Variants in ZNF385D observed in about 807,000 individuals in gnomAD.
ZNF385D encodes the protein zinc finger protein 659.
In ZNF385D, 15 loss-of-function variants were observed where a neutral mutation model predicts 35.8. The ratio of observed to expected loss-of-function variants is 0.42; its 90% CI spans 0.28 to 0.64. The LOEUF (loss-of-function observed/expected upper bound fraction) is 0.64. ZNF385D is among the 30% of genes least tolerant of loss of function. The pLI is 0.23. For missense variants in ZNF385D, 474 were observed against 494.6 expected (o/e 0.96, Z 0.39); for synonymous variants, 212 against 186.8 (o/e 1.13, Z -1.10).
intron 1 of ZNF385D, among the ~76,000 whole-genome samples, chr3:21,732,036 T>G (rs1490441321): frequency 0.015 from 208 of 13,424 alleles, 66 homozygotes; most frequent in Admixed American, 0.019. Flanking sequence ...CGGGGTTTTT[T>G]TTTTTTTTTT....
At chr3:21,612,338 T>G (rs551521161) in intron 2 of ZNF385D, among the ~76,000 whole-genome samples, 34 of 152,226 alleles carry the variant, frequency 2.2e-4, no homozygotes, top group Non-Finnish European at 5.0e-4. Context: ...GACCTCGTGA[T>G]CTGCCCACCT....
chr3:22,191,036 A>T (rs1695985055), intron 2 of ZNF385D, among the ~76,000 whole-genome samples: 1 of 152,166 alleles, frequency 6.6e-6, no homozygotes, highest in Non-Finnish European at 1.5e-5. Flanking sequence ...AATTGGCAGT[A>T]ATTATTGTTT....
In ZNF385D at chr3:21,824,860, G is replaced by C. The variant is rs550352844; in HGVS notation, c.326-159832C>G. Among the ~76,000 whole-genome samples, 638 of 152,234 alleles carry C rather than the reference G, an allele frequency of 4.2e-3. 4 individuals carry two copies. The highest frequency in any genetic ancestry group is 6.5e-3 in the Non-Finnish European group (441 of 67,984). ...GACTGTTTTTACACCATAGGGAAATGGTGGAGAAATATTGAATTGCTCCTT... is the reference window on the plus strand; with the variant it reads ...GACTGTTTTTACACCATAGGGAAATCGTGGAGAAATATTGAATTGCTCCTT... On this transcript the variant is annotated intron_variant, in intron 3 of 5. Coordinates refer to the ZNF385D transcript ENST00000494108.
At chr3:21,971,039 C>A (rs935945810) in intron 3 of ZNF385D, among the ~76,000 whole-genome samples, 1 of 151,950 alleles carries the variant, frequency 6.6e-6, no homozygotes, top group Non-Finnish European at 1.5e-5. Flanking sequence ...TTTATCAACA[C>A]GAGACCTGTC....
At chr3:21,807,753 G>C (rs144360226) in intron 3 of ZNF385D, among the ~76,000 whole-genome samples, 1 of 152,072 alleles carries the variant, frequency 6.6e-6, no homozygotes, top group African/African-American at 2.4e-5. Context: ...GAGCTTTTCA[G>C]AACATCAACT....
chr3:22,265,887 A>T (rs1398232302), intron 2 of ZNF385D, among the ~76,000 whole-genome samples: 3 of 151,972 alleles, frequency 2.0e-5, no homozygotes, highest in Non-Finnish European at 4.4e-5. Context: ...ATACCTTGAC[A>T]TCATATAACT....
intron 3 of ZNF385D, among the ~76,000 whole-genome samples, chr3:22,039,183 T>C (rs1698513770): frequency 6.7e-6 from 1 of 149,818 alleles, no homozygotes; most frequent in African/African-American, 2.5e-5. Context: ...ATTTGACTGA[T>C]GTGAATGATG....
intron 2 of ZNF385D, among the ~76,000 whole-genome samples, chr3:22,273,634 C>G (rs1199337818): frequency 6.6e-6 from 1 of 151,824 alleles, no homozygotes; most frequent in African/African-American, 2.4e-5. Flanking sequence ...AATCATGATT[C>G]TCATACAGAT....
At chr3:21,797,502 G>A (rs1251973759) in intron 3 of ZNF385D, among the ~76,000 whole-genome samples, 2 of 152,328 alleles carry the variant, frequency 1.3e-5, no homozygotes, top group South Asian at 2.1e-4. Context: ...ACCCAAAGGA[G>A]TTGAAAAGTT....
intron 4 of ZNF385D, among the ~76,000 whole-genome samples, chr3:21,498,465 G>A (rs1403312116): frequency 2.0e-5 from 3 of 152,094 alleles, no homozygotes; most frequent in African/African-American, 7.2e-5. Flanking sequence ...CTATCAATTC[G>A]ATGAAGTTCT....
chr3:21,931,740 T>C (rs1427318138), intron 3 of ZNF385D, among the ~76,000 whole-genome samples: 4 of 152,166 alleles, frequency 2.6e-5, no homozygotes, highest in Admixed American at 1.3e-4. Flanking sequence ...TGGGGGATGA[T>C]AGATGTTCAA....
At chr3:21,962,033 G>A (rs1417221826) in intron 3 of ZNF385D, among the ~76,000 whole-genome samples, 1 of 152,096 alleles carries the variant, frequency 6.6e-6, no homozygotes, top group Non-Finnish European at 1.5e-5. Context: ...AGCAACAGAA[G>A]ACACTAAAAA....
intron 3 of ZNF385D, among the ~76,000 whole-genome samples, chr3:21,980,143 G>A (rs940726216): frequency 5.9e-5 from 9 of 152,094 alleles, no homozygotes; most frequent in African/African-American, 2.2e-4. Context: ...GGCTCTTGGG[G>A]CAAGGAACTA....
intron 3 of ZNF385D, among the ~76,000 whole-genome samples, chr3:22,087,492 C>A (rs1003768965): frequency 2.0e-5 from 3 of 152,104 alleles, no homozygotes; most frequent in Non-Finnish European, 2.9e-5. Flanking sequence ...CTTTCTCCTT[C>A]CTTTGCCTAG....
intron 1 of ZNF385D, among the ~76,000 whole-genome samples, chr3:21,717,027 G>C (rs888325348): frequency 6.6e-6 from 1 of 152,164 alleles, no homozygotes; most frequent in Admixed American, 6.5e-5. Flanking sequence ...CAGCTACTCA[G>C]GAGTCTGAGG....
At chr3:22,235,446 T>C (rs1463248184) in intron 2 of ZNF385D, among the ~76,000 whole-genome samples, 1 of 151,966 alleles carries the variant, frequency 6.6e-6, no homozygotes, top group East Asian at 1.9e-4. Flanking sequence ...GGGCACAAAA[T>C]GAAAGATCAA....
At chr3:22,098,154 T>C (rs996784546) in intron 3 of ZNF385D, among the ~76,000 whole-genome samples, 2 of 152,004 alleles carry the variant, frequency 1.3e-5, no homozygotes, top group African/African-American at 2.4e-5. Context: ...TTTCAGGAAG[T>C]TGAGTTCAAG....
At chr3:22,129,185 A>G (rs1207592854) in intron 3 of ZNF385D, among the ~76,000 whole-genome samples, 1 of 152,074 alleles carries the variant, frequency 6.6e-6, no homozygotes, top group Non-Finnish European at 1.5e-5. Flanking sequence ...CCCCAAACAA[A>G]CAGAGTCTCT....
intron 1 of ZNF385D, among the ~76,000 whole-genome samples, chr3:21,677,121 C>A (rs1468482183): frequency 6.6e-6 from 1 of 151,992 alleles, no homozygotes; most frequent in African/African-American, 2.4e-5. Flanking sequence ...AGGATTAAAG[C>A]TAAACTAACA....
Sources: allele counts gnomAD v4.1 joint callset (sites outside exome capture counted in the v4.1 genomes callset), GRCh38; gene constraint gnomAD v4.1.1; transcripts MANE v1.5; gene names NCBI Gene and HGNC (gene_info 2026-07-23, HGNC 2026-07-21).